TLK2: variants seen among roughly 807,000 people sequenced by gnomAD.
The protein encoded by TLK2 is tousled like kinase 2, also known as serine/threonine-protein kinase tousled-like 2.
Under a neutral mutation model 117.3 loss-of-function variants are expected in TLK2, and 6 were observed. The ratio of observed to expected loss-of-function variants is 0.05; its 90% CI spans 0.03 to 0.10. The LOEUF (loss-of-function observed/expected upper bound fraction) is 0.10, where lower values mean the gene tolerates loss of function less well. TLK2 is among the 10% of genes least tolerant of loss of function. The pLI, the probability that TLK2 is intolerant of heterozygous loss-of-function variation, is 1.00. For synonymous variants in TLK2, 257 were observed against 316.7 expected (o/e 0.81, Z 2.00); for missense variants, 299 against 901.2 (o/e 0.33, Z 8.56).
upstream of TLK2, among the ~76,000 whole-genome samples, chr17:62,474,576 ATTTT>A: frequency 7.0e-6 from 1 of 142,562 alleles, no homozygotes; most frequent in East Asian, 2.1e-4. Context: ...CACCCGGCTA[ATTTT>A]TTTTTTATTT....
At chr17:62,592,914 T>G (rs930273234) in intron 16 of TLK2, among the ~76,000 whole-genome samples, 1 of 152,214 alleles carries the variant, frequency 6.6e-6, no homozygotes, top group Non-Finnish European at 1.5e-5. Context: ...GCACACAACC[T>G]AGATCCCTGG....
chr17:62,536,146 G>T (rs753358168), intron 6 of TLK2, 24 bp from the exon 7 acceptor site: 3 of 1,603,966 alleles, frequency 1.9e-6, no homozygotes, highest in Non-Finnish European at 2.6e-6. Context: ...CATGTCATTT[G>T]TGTGTTTCTT....
chr17:62,476,623 G>C (rs1223251138), upstream of TLK2, among the ~76,000 whole-genome samples: 1 of 146,892 alleles, frequency 6.8e-6, no homozygotes, highest in East Asian at 2.1e-4. Flanking sequence ...AGATCCTCTA[G>C]CCCAAATCCC....
intron 10 of TLK2, 23 bp from the exon 11 acceptor site, chr17:62,564,977 CT>C (rs774873019): frequency 1.1e-5 from 18 of 1,589,714 alleles, no homozygotes; most frequent in Non-Finnish European, 1.4e-5. Context: ...TATTGAATTC[CT>C]TTTTTTGTCT....
chr17:62,509,202 C>T (rs2074958811), intron 2 of TLK2, among the ~76,000 whole-genome samples: 1 of 152,140 alleles, frequency 6.6e-6, no homozygotes, highest in Admixed American at 6.5e-5. Flanking sequence ...AGTTCCCCTA[C>T]CTCAGCCTCC....
At chr17:62,477,172 G>A (rs1048665646), upstream of TLK2, among the ~76,000 whole-genome samples, 5 of 152,152 alleles carry the variant, frequency 3.3e-5, no homozygotes, top group Admixed American at 1.3e-4. Flanking sequence ...TAAAGACCTA[G>A]CCTCACTGTC....
At chr17:62,607,939 A>G in intron 20 of TLK2, 102 bp from the exon 21 acceptor site, 1 of 956,868 alleles carries the variant, frequency 1.0e-6, no homozygotes, top group Non-Finnish European at 1.6e-6. Context: ...CAGCAATTCA[A>G]ATTAGAAGAT....
At chr17:62,480,855 G>T (rs537819528) in intron 1 of TLK2, among the ~76,000 whole-genome samples, 1 of 152,286 alleles carries the variant, frequency 6.6e-6, no homozygotes, top group African/African-American at 2.4e-5. Context: ...GGTTTGAGGG[G>T]TTTATTTTTG....
chr17:62,588,524 A>G (rs2081828568), intron 16 of TLK2, among the ~76,000 whole-genome samples: 1 of 152,270 alleles, frequency 6.6e-6, no homozygotes, highest in African/African-American at 2.4e-5. Flanking sequence ...CTGTTTCCTC[A>G]TCAGAGGAGG....
chr17:62,485,691 T>C (rs1383745674), intron 2 of TLK2, among the ~76,000 whole-genome samples: 2 of 152,114 alleles, frequency 1.3e-5, no homozygotes, highest in Non-Finnish European at 2.9e-5. Context: ...AGTAGTAATG[T>C]GCACCCAAAA....
At chr17:62,507,926 C>T (rs1471504489) in intron 2 of TLK2, among the ~76,000 whole-genome samples, 1 of 151,898 alleles carries the variant, frequency 6.6e-6, no homozygotes, top group Non-Finnish European at 1.5e-5. Context: ...GCAAACTGTA[C>T]TCTTTTAAAA....
chr17:62,536,498 C>T (rs2077122824), intron 7 of TLK2, among the ~76,000 whole-genome samples, 161 bp downstream of exon 7: 1 of 152,110 alleles, frequency 6.6e-6, no homozygotes, highest in Non-Finnish European at 1.5e-5. Flanking sequence ...TCTAATTCTA[C>T]ATCACTTCTA....
chr17:62,477,387 T>TG (rs1446583228), upstream of TLK2: 1 of 152,220 alleles, frequency 6.6e-6, no homozygotes, highest in East Asian at 1.9e-4. Context: ...TGGAGTAAGA[T>TG]GACTCTTGGT....
chr17:62,545,519 A>G (rs1294480754), intron 7 of TLK2, among the ~76,000 whole-genome samples: 2 of 152,078 alleles, frequency 1.3e-5, no homozygotes, highest in East Asian at 2.0e-4. Flanking sequence ...TGGGAGGCTG[A>G]GGCAGGGGAA....
chr17:62,519,333 C>T (rs1029654927), intron 2 of TLK2, among the ~76,000 whole-genome samples: 9 of 152,132 alleles, frequency 5.9e-5, no homozygotes, highest in African/African-American at 2.2e-4. Context: ...ATCATTTGAC[C>T]ACAATTATGG....
chr17:62,546,695 A>G (rs2077973915), intron 7 of TLK2, among the ~76,000 whole-genome samples: 1 of 151,362 alleles, frequency 6.6e-6, no homozygotes, highest in Non-Finnish European at 1.5e-5. Context: ...AATTGGGACT[A>G]TAGGCACATA....
chr17:62,573,312 G>A lies in TLK2; in HGVS notation c.1066G>A (p.Ala356Thr). 1 of 1,614,090 alleles carries A rather than the reference G, an allele frequency of 6.2e-7. No individual in the cohort carries two copies. The highest frequency in any genetic ancestry group is 8.5e-7 in the Non-Finnish European group (1 of 1,179,998). The change falls in exon 12 of 22, where the codon GCA becomes ACA. Residue 356 changes from alanine to threonine, a missense_variant. Physicochemically the swap from Ala to Thr is moderately conservative, Grantham distance 58. Coordinates refer to ENST00000346027, the MANE Select transcript of TLK2 (RefSeq NM_006852.6). ...KPPAMGQAPP[A>T]TNEQKQRKSK... ...TCCTGCCATGGGTCAGGCCCCTCCT[G>A]CAACCAATGAGCAGAAACAGCGGAA...
At chr17:62,479,913 G>C (rs1378404884) in intron 1 of TLK2, among the ~76,000 whole-genome samples, 1 of 152,216 alleles carries the variant, frequency 6.6e-6, no homozygotes, top group Non-Finnish European at 1.5e-5. Context: ...AAGACGCGAG[G>C]AAGGCCACGG....
intron 2 of TLK2, among the ~76,000 whole-genome samples, chr17:62,498,396 T>C (rs2073899955): frequency 6.6e-6 from 1 of 151,830 alleles, no homozygotes. Context: ...CCCCCTTTTT[T>C]TTTTTTTTTT....
Sources: gnomAD v4.1 joint callset for allele counts (sites outside exome capture counted in the v4.1 genomes callset) on GRCh38, gnomAD v4.1.1 for gene constraint, MANE v1.5 for transcripts, NCBI Gene and HGNC (gene_info 2026-07-23, HGNC 2026-07-21) for gene names.